Variants in DIAPH3 observed in about 807,000 individuals in gnomAD.
The protein encoded by DIAPH3 is protein diaphanous homolog 3.
In DIAPH3, 117 loss-of-function variants were observed where a neutral mutation model predicts 144.3. The observed-to-expected ratio is 0.81, with a 90% CI of 0.70 to 0.95. DIAPH3 has a LOEUF of 0.95. Among genes scored for constraint, DIAPH3 ranks in the 40% least tolerant of loss-of-function variants. The pLI is 0.00. For missense variants in DIAPH3, 1,421 were observed against 1,412.7 expected (o/e 1.01, Z -0.09); for synonymous variants, 519 against 488.9 (o/e 1.06, Z -0.81).
intron 1 of DIAPH3, among the ~76,000 whole-genome samples, chr13:60,160,041 C>T (rs562357950): frequency 5.9e-5 from 9 of 152,134 alleles, no homozygotes; most frequent in South Asian, 4.1e-4. Context: ...CTGGTTAACA[C>T]GGTTAACCCC....
At chr13:59,968,773 G>A (rs933151331) in intron 17 of DIAPH3, among the ~76,000 whole-genome samples, 19 of 152,100 alleles carry the variant, frequency 1.2e-4, no homozygotes, top group African/African-American at 4.6e-4. Context: ...CTCATTCAAA[G>A]GAATACTAAT....
At chr13:59,938,172 T>G (rs1477194514) in intron 17 of DIAPH3, among the ~76,000 whole-genome samples, 15 of 152,226 alleles carry the variant, frequency 9.9e-5, no homozygotes, top group Non-Finnish European at 1.0e-4. Flanking sequence ...CTGATCTGTG[T>G]TCTAGAATAA....
At chr13:59,944,964 T>A (rs2048731066) in intron 17 of DIAPH3, among the ~76,000 whole-genome samples, 1 of 152,088 alleles carries the variant, frequency 6.6e-6, no homozygotes, top group Admixed American at 6.6e-5. Flanking sequence ...AACACCATCA[T>A]CAACATCTAC....
chr13:59,943,984 G>A (rs2048675463), intron 17 of DIAPH3, among the ~76,000 whole-genome samples: 1 of 152,094 alleles, frequency 6.6e-6, no homozygotes, highest in Admixed American at 6.6e-5. Context: ...GGTCAAGGTG[G>A]AAGGATCACT....
chr13:59,710,754 C>T (rs1940811619), intron 27 of DIAPH3, among the ~76,000 whole-genome samples: 1 of 152,146 alleles, frequency 6.6e-6, no homozygotes, highest in South Asian at 2.1e-4. Flanking sequence ...GCTATTACTG[C>T]CTTTGTATTA....
Position 60,120,853 on chromosome 13 carries a change from T to G in DIAPH3, c.214-8667A>C, listed in dbSNP as rs559081524. The stretch of plus-strand genomic sequence containing the variant: ...AAGACCTCAAAACAGAACCATACTG[T>G]AAGCTGTTTCCAAATTTTTGATGCA... On this transcript the variant is annotated intron_variant, in intron 2 of 27. Coordinates refer to ENST00000400324, the MANE Select transcript of DIAPH3 (RefSeq NM_001042517.2). 2.6e-5 allele frequency among the ~76,000 whole-genome samples: 4 copies of G among 152,310 alleles called. No individual in the cohort carries two copies. The East Asian group carries it at 7.7e-4, about 29-fold the overall frequency.
chr13:59,751,279 C>T (rs2036994410), intron 27 of DIAPH3, among the ~76,000 whole-genome samples: 2 of 152,208 alleles, frequency 1.3e-5, no homozygotes, highest in Non-Finnish European at 2.9e-5. Context: ...ATCAGGCTCT[C>T]GCTTCATGGC....
chr13:60,159,452 C>T (rs564703322), intron 1 of DIAPH3, among the ~76,000 whole-genome samples: 1 of 152,064 alleles, frequency 6.6e-6, no homozygotes, highest in Admixed American at 6.5e-5. Flanking sequence ...ATGGTGAAGC[C>T]TCATCTCTAC....
chr13:59,801,944 T>C (rs1452588774), intron 25 of DIAPH3, among the ~76,000 whole-genome samples: 1 of 152,188 alleles, frequency 6.6e-6, no homozygotes, highest in Admixed American at 6.5e-5. Flanking sequence ...AAATGCCAAA[T>C]ACTACTGAGT....
At chr13:59,858,976 C>G (rs768941673) in intron 22 of DIAPH3, among the ~76,000 whole-genome samples, 1 of 152,010 alleles carries the variant, frequency 6.6e-6, no homozygotes, top group Non-Finnish European at 1.5e-5. Context: ...AACAAAGGTA[C>G]TTTTTAATTC....
chr13:59,722,864 T>A (rs1238287575), intron 27 of DIAPH3, among the ~76,000 whole-genome samples: 3 of 152,150 alleles, frequency 2.0e-5, no homozygotes, highest in African/African-American at 7.2e-5. Context: ...CAAAGCTTGA[T>A]CTAAATTGTT....
chr13:59,902,345 T>A (rs920329205), intron 20 of DIAPH3, among the ~76,000 whole-genome samples: 2 of 152,102 alleles, frequency 1.3e-5, no homozygotes, highest in Non-Finnish European at 2.9e-5. Flanking sequence ...ACCTTACTCC[T>A]TCTCTGGCCA....
intron 8 of DIAPH3, among the ~76,000 whole-genome samples, chr13:60,010,195 G>GA (rs977015790): frequency 1.3e-4 from 20 of 151,500 alleles, no homozygotes; most frequent in African/African-American, 4.1e-4. Flanking sequence ...TCTATGTGGG[G>GA]AAAAAAAATC....
chr13:59,913,794 C>T (rs1298209313), intron 19 of DIAPH3, among the ~76,000 whole-genome samples: 1 of 151,944 alleles, frequency 6.6e-6, no homozygotes, highest in Non-Finnish European at 1.5e-5. Context: ...CCCATTTCTA[C>T]TAAAAATACA....
intron 17 of DIAPH3, among the ~76,000 whole-genome samples, chr13:59,958,685 C>G (rs1375530389): frequency 1.3e-5 from 2 of 151,514 alleles, no homozygotes; most frequent in East Asian, 3.9e-4. Context: ...ATATAATACA[C>G]TATGATACTT....
intron 1 of DIAPH3, among the ~76,000 whole-genome samples, chr13:60,158,215 T>C (rs1002726468): frequency 2.0e-5 from 3 of 152,196 alleles, no homozygotes; most frequent in African/African-American, 7.2e-5. Flanking sequence ...ATGTGAGAGG[T>C]CTGTGGTCCA....
At chr13:59,915,581 A>C (rs1195232072) in intron 19 of DIAPH3, among the ~76,000 whole-genome samples, 1 of 152,048 alleles carries the variant, frequency 6.6e-6, no homozygotes, top group African/African-American at 2.4e-5. Context: ...TTGATTTCTT[A>C]TGTGGAACTC....
chr13:59,814,110 A>G (rs1330073592), intron 24 of DIAPH3, among the ~76,000 whole-genome samples: 1 of 152,184 alleles, frequency 6.6e-6, no homozygotes, highest in Non-Finnish European at 1.5e-5. Context: ...CATGTAGCTT[A>G]TTTATGAGTC....
intron 14 of DIAPH3, 22 bp from the exon 15 acceptor site, chr13:59,974,478 A>T: frequency 6.4e-7 from 1 of 1,565,594 alleles, no homozygotes. Context: ...TAAAAATAAT[A>T]ACAAAAACAG....
Sources: gnomAD v4.1 joint callset for allele counts (sites outside exome capture counted in the v4.1 genomes callset) on GRCh38, gnomAD v4.1.1 for gene constraint, MANE v1.5 for transcripts, NCBI Gene and HGNC (gene_info 2026-07-23, HGNC 2026-07-21) for gene names.